The following WWOX variants were observed in gnomAD, a reference collection of about 807,000 sequenced individuals.
WWOX encodes WW domain containing oxidoreductase.
In WWOX, 69 loss-of-function variants were observed where a neutral mutation model predicts 46.2. That is an observed-to-expected ratio of 1.49 (90% CI 1.23 to 1.82). The LOEUF (loss-of-function observed/expected upper bound fraction) is 1.82, where lower values mean the gene tolerates loss of function less well. Ranked by LOEUF, WWOX falls within the 40% of genes most tolerant of loss-of-function variation. The pLI is 0.00. For missense variants in WWOX, 919 were observed against 542.6 expected (o/e 1.69, Z -6.89); for synonymous variants, 359 against 202.6 (o/e 1.77, Z -6.56).
intron 8 of WWOX, among the ~76,000 whole-genome samples, chr16:78,464,693 C>G (rs1052163020): frequency 6.6e-6 from 1 of 152,114 alleles, no homozygotes; most frequent in African/African-American, 2.4e-5. Context: ...TGCCCCCACC[C>G]GTGCAGCAAT....
chr16:78,849,543 C>T (rs943134828), intron 8 of WWOX, among the ~76,000 whole-genome samples: 37 of 132,666 alleles, frequency 2.8e-4, no homozygotes, highest in African/African-American at 7.6e-4. Flanking sequence ...CACTGCACTC[C>T]GGCCTGGGTG....
intron 8 of WWOX, among the ~76,000 whole-genome samples, chr16:78,445,708 T>C (rs1158756841): frequency 6.6e-6 from 1 of 152,166 alleles, no homozygotes. Context: ...GAAACCCTTC[T>C]CTACTAAAAA....
intron 8 of WWOX, among the ~76,000 whole-genome samples, chr16:79,105,016 C>T (rs2049279389): frequency 6.6e-6 from 1 of 152,132 alleles, no homozygotes; most frequent in Non-Finnish European, 1.5e-5. Context: ...AGTCTCCGGT[C>T]AGCACGGGGC....
chr16:78,997,216 A>G (rs574034531), intron 8 of WWOX, among the ~76,000 whole-genome samples: 1 of 152,318 alleles, frequency 6.6e-6, no homozygotes, highest in East Asian at 1.9e-4. Flanking sequence ...GAGTCCTCAA[A>G]GCAAACTGAA....
At chr16:78,568,766 C>A (rs908628643) in intron 8 of WWOX, among the ~76,000 whole-genome samples, 1 of 152,158 alleles carries the variant, frequency 6.6e-6, no homozygotes, top group East Asian at 1.9e-4. Flanking sequence ...TGAGCCACAG[C>A]GTCCAGCCCC....
At chr16:78,661,466 A>AT (rs1234704484) in intron 8 of WWOX, among the ~76,000 whole-genome samples, 1 of 152,194 alleles carries the variant, frequency 6.6e-6, no homozygotes, top group East Asian at 1.9e-4. Context: ...GCTTAATACA[A>AT]AGTGGGATTG....
In WWOX at chr16:78,925,021, C is replaced by G. The variant is rs537727445; in HGVS notation, c.1057-286587C>G. On this transcript the variant is annotated intron_variant, in intron 8 of 8. Coordinates refer to ENST00000566780, the MANE Select transcript of WWOX (RefSeq NM_016373.4). Reference sequence around the variant, plus strand: ...ACCAGCCTGGGCAACATGGCAAAACCCTGTCTCTACAAAAAATAAAAAAGT... The same window carrying G: ...ACCAGCCTGGGCAACATGGCAAAACGCTGTCTCTACAAAAAATAAAAAAGT... Among the ~76,000 whole-genome samples, 139 of 152,138 alleles carry G rather than the reference C, an allele frequency of 9.1e-4. 1 individual carries two copies. Among genetic ancestry groups the G allele is most frequent in the African/African-American group, 3.2e-3 (131 of 41,514 alleles).
intron 8 of WWOX, among the ~76,000 whole-genome samples, chr16:78,543,841 C>G (rs1196840527): frequency 6.6e-6 from 1 of 152,174 alleles, no homozygotes; most frequent in Non-Finnish European, 1.5e-5. Context: ...GGTGCCCTGT[C>G]TTCCTGCTTA....
At chr16:79,116,843 A>G (rs1597389539) in intron 8 of WWOX, among the ~76,000 whole-genome samples, 1 of 152,028 alleles carries the variant, frequency 6.6e-6, no homozygotes, top group Non-Finnish European at 1.5e-5. Flanking sequence ...GCCCAGATCC[A>G]TCAGAAGAAT....
rs183168992 is a variant in WWOX, at chr16:79,127,376, C to T, written c.1057-84232C>T. 2.2e-3 allele frequency among the ~76,000 whole-genome samples: 332 copies of T among 152,262 alleles called. 1 individual carries two copies. The highest frequency in any genetic ancestry group is 7.6e-3 in the African/African-American group (315 of 41,562). On this transcript the variant is annotated intron_variant, in intron 8 of 8. Transcript: ENST00000566780. Reference sequence around the variant, plus strand: ...CTGCCCTCCCCTTCACTTTGCTATACACACCTTGCTCTTTTTGCTTGACAA... The same window carrying T: ...CTGCCCTCCCCTTCACTTTGCTATATACACCTTGCTCTTTTTGCTTGACAA...
At chr16:79,175,873 C>G (rs2050790390) in intron 8 of WWOX, among the ~76,000 whole-genome samples, 2 of 152,200 alleles carry the variant, frequency 1.3e-5, no homozygotes, top group Admixed American at 6.5e-5. Context: ...CATGATTGCA[C>G]TAACAGCCAC....
chr16:78,322,050 T>C (rs1323401239), intron 5 of WWOX, among the ~76,000 whole-genome samples: 1 of 152,182 alleles, frequency 6.6e-6, no homozygotes, highest in African/African-American at 2.4e-5. Context: ...ATGTTTTGCC[T>C]AAATATTTGG....
intron 4 of WWOX, among the ~76,000 whole-genome samples, chr16:78,118,312 T>C (rs1438454348): frequency 1.3e-5 from 2 of 152,100 alleles, no homozygotes; most frequent in East Asian, 1.9e-4. Flanking sequence ...CTAAAAAAAA[T>C]CAGGGATTCT....
chr16:78,898,449 C>G (rs909646063), intron 8 of WWOX: 1 of 152,092 alleles, frequency 6.6e-6, no homozygotes, highest in African/African-American at 2.4e-5. Flanking sequence ...AATCAGTTGA[C>G]TATATATGTG....
intron 8 of WWOX, among the ~76,000 whole-genome samples, chr16:78,452,114 T>C (rs891676885): frequency 6.6e-6 from 1 of 152,202 alleles, no homozygotes; most frequent in Non-Finnish European, 1.5e-5. Flanking sequence ...ATTAATAAAA[T>C]GATTTATGTT....
At chr16:79,135,434 T>A (rs2042413) in intron 8 of WWOX, among the ~76,000 whole-genome samples, 5 of 152,020 alleles carry the variant, frequency 3.3e-5, no homozygotes, top group Admixed American at 2.0e-4. Flanking sequence ...CATTTACTTA[T>A]GTAATAAATC....
intron 8 of WWOX, among the ~76,000 whole-genome samples, chr16:78,857,427 A>G (rs898696036): frequency 1.3e-5 from 2 of 152,208 alleles, no homozygotes; most frequent in East Asian, 3.8e-4. Flanking sequence ...CTGGTCTGGA[A>G]TAGAACCTTT....
intron 8 of WWOX, among the ~76,000 whole-genome samples, chr16:78,486,896 C>T (rs567375955): frequency 4.6e-5 from 7 of 152,278 alleles, no homozygotes; most frequent in African/African-American, 1.7e-4. Context: ...TTAAATTGCA[C>T]CTTGGGTTCG....
intron 5 of WWOX, among the ~76,000 whole-genome samples, chr16:78,381,834 G>A (rs118189345): frequency 0.021 from 3,228 of 152,148 alleles, 62 homozygotes; most frequent in Non-Finnish European, 0.038. Context: ...ATATATGGAA[G>A]GCTAGCAGTT....
Sources: allele counts gnomAD v4.1 joint callset (sites outside exome capture counted in the v4.1 genomes callset), GRCh38; gene constraint gnomAD v4.1.1; transcripts MANE v1.5; gene names NCBI Gene and HGNC (gene_info 2026-07-23, HGNC 2026-07-21).